The following KDM4B variants were observed in gnomAD, a reference collection of about 807,000 sequenced individuals.
The protein encoded by KDM4B is lysine demethylase 4B, also known as lysine-specific demethylase 4B.
In KDM4B, 32 loss-of-function variants were observed where a neutral mutation model predicts 125.2. That is an observed-to-expected ratio of 0.26 (90% CI 0.19 to 0.34). The LOEUF (loss-of-function observed/expected upper bound fraction) is 0.34. Among genes scored for constraint, KDM4B ranks in the 10% least tolerant of loss-of-function variants. The pLI, the probability that KDM4B is intolerant of heterozygous loss-of-function variation, is 1.00. For synonymous variants in KDM4B, 721 were observed against 677.9 expected (o/e 1.06, Z -0.99); for missense variants, 1,190 against 1,577.7 (o/e 0.75, Z 4.16).
At position 5,142,024 on chromosome 19, in the gene KDM4B, T is replaced by G. The variant is rs2039752898; in HGVS notation, c.2551-1943T>G. Among the ~76,000 whole-genome samples the G allele has an allele frequency of 1.3e-5, 2 of 152,182 alleles. No homozygotes were observed. The highest frequency in any genetic ancestry group is 4.1e-4 in the South Asian group (2 of 4,832). On this transcript the variant is annotated intron_variant, in intron 18 of 22. Transcript: ENST00000159111. The surrounding 1 kb of genome is among the most constrained non-coding windows in gnomAD (Gnocchi z 5.4). ...CGAAAGCAGGTTGGTGGACAGCCAC[T>G]GCGCCTCAGTGTGTGACAGGCTGAG...
intron 6 of KDM4B, among the ~76,000 whole-genome samples, chr19:5,066,712 C>G (rs535079680): frequency 6.6e-5 from 10 of 152,360 alleles, no homozygotes; most frequent in Admixed American, 3.3e-4. Context: ...GCGGCCAGCA[C>G]CAGACACCAA....
intron 1 of KDM4B, among the ~76,000 whole-genome samples, chr19:4,994,848 T>C (rs2035149503): frequency 1.3e-5 from 2 of 152,236 alleles, no homozygotes; most frequent in Non-Finnish European, 2.9e-5. Flanking sequence ...TTGTTAGCAC[T>C]ATATTTTTGG....
At chr19:5,137,364 G>A in intron 16 of KDM4B, 26 bp downstream of exon 16, 3 of 1,546,150 alleles carry the variant, frequency 1.9e-6, no homozygotes, top group Non-Finnish European at 2.6e-6. Flanking sequence ...CAGCGGGGGT[G>A]GTGCTCTGAG....
At chr19:5,109,182 G>C (rs2039091149) in intron 9 of KDM4B, among the ~76,000 whole-genome samples, 1 of 152,250 alleles carries the variant, frequency 6.6e-6, no homozygotes, top group South Asian at 2.1e-4. Context: ...CAGTTGGCCA[G>C]CCCTGCCCTT....
intron 7 of KDM4B, among the ~76,000 whole-genome samples, chr19:5,072,695 A>C (rs944416534): frequency 6.6e-6 from 1 of 152,270 alleles, no homozygotes; most frequent in Non-Finnish European, 1.5e-5. Context: ...CTCCTGTAAC[A>C]AATGACCACA....
At chr19:4,994,020 G>GTTTTTTTTTTTTTTTTTTTTTTGTTT (rs2035116127) in intron 1 of KDM4B, among the ~76,000 whole-genome samples, 2 of 66,710 alleles carry the variant, frequency 3.0e-5, no homozygotes, top group Non-Finnish European at 5.4e-5. Flanking sequence ...TTTTCAGCCT[G>GTTTTTTTTTTTTTTTTTTTTTTGTTT]TTTTTTTTTT....
intron 1 of KDM4B, among the ~76,000 whole-genome samples, chr19:4,993,421 A>AG (rs2035091645): frequency 1.3e-5 from 2 of 151,680 alleles, no homozygotes; most frequent in Admixed American, 1.3e-4. Flanking sequence ...GGGAAAAAAA[A>AG]AAAAGAAAGT....
At chr19:5,028,389 T>C (rs768181040) in intron 2 of KDM4B, among the ~76,000 whole-genome samples, 3 of 152,224 alleles carry the variant, frequency 2.0e-5, no homozygotes, top group Non-Finnish European at 2.9e-5. Context: ...GGTTCCTCCA[T>C]GTGGCGCCTG....
intron 11 of KDM4B, among the ~76,000 whole-genome samples, chr19:5,129,104 G>A (rs1397628709): frequency 3.3e-5 from 5 of 152,228 alleles, no homozygotes; most frequent in Non-Finnish European, 5.9e-5. Context: ...TTGAGAAACA[G>A]GTGGGCGTGT....
Position 5,135,403 on chromosome 19 carries a change from C to T in KDM4B, c.2150C>T (p.Pro717Leu), listed in dbSNP as rs1281546120. The change falls in exon 15 of 23, where the codon CCC becomes CTC. Residue 717 changes from proline to leucine, a missense_variant. Physicochemically the swap from Pro to Leu is moderately conservative, Grantham distance 98. Transcript: ENST00000159111. ...SLGEGCPATL[P>L]SKSRQKTRPL... ...GGAGAGGGCTGCCCGGCCACATTAC[C>T]CTCCAAAAGCCGTCAGAAGACCCGA... 9 of 1,613,572 alleles carry T rather than the reference C, an allele frequency of 5.6e-6. No homozygotes were observed. Among genetic ancestry groups the T allele is most frequent in the African/African-American group, 1.3e-5 (1 of 74,950 alleles).
chr19:5,038,523 C>G (rs1406648768), intron 3 of KDM4B, among the ~76,000 whole-genome samples: 2 of 152,254 alleles, frequency 1.3e-5, no homozygotes, highest in Non-Finnish European at 2.9e-5. Context: ...CGGGTTCCGG[C>G]TGCAGTGCCG....
At chr19:5,131,725 C>G (rs1345641751) in intron 12 of KDM4B, among the ~76,000 whole-genome samples, 162 bp from the exon 13 acceptor site, 1 of 85,794 alleles carries the variant, frequency 1.2e-5, no homozygotes, top group Non-Finnish European at 2.5e-5. Context: ...GGTGGGGTGT[C>G]TGTACTTAGA....
chr19:5,145,788 CCTCA>C (rs2039830492), intron 21 of KDM4B, among the ~76,000 whole-genome samples: 1 of 152,134 alleles, frequency 6.6e-6, no homozygotes, highest in African/African-American at 2.4e-5. Context: ...GGAAACGAAG[CCTCA>C]CTCAGAGTCA....
chr19:5,064,152 T>TC (rs941120659), intron 6 of KDM4B, among the ~76,000 whole-genome samples: 4 of 152,130 alleles, frequency 2.6e-5, no homozygotes, highest in Non-Finnish European at 5.9e-5. Flanking sequence ...CAACTTGGGG[T>TC]CCCGGGGGCG....
At chr19:5,120,747 A>G (rs986793789) in intron 11 of KDM4B, among the ~76,000 whole-genome samples, 13 of 152,086 alleles carry the variant, frequency 8.5e-5, no homozygotes, top group African/African-American at 3.1e-4. Flanking sequence ...GTTCCCAGCT[A>G]GGGCTCCCCG....
chr19:5,019,502 ATGT>A (rs2036014131), intron 2 of KDM4B, among the ~76,000 whole-genome samples: 1 of 92,518 alleles, frequency 1.1e-5, no homozygotes, highest in South Asian at 3.9e-4. Context: ...GTTGGTGTGG[ATGT>A]TGGTGTGGGT....
chr19:5,088,292 C>T (rs1292812520), intron 9 of KDM4B, among the ~76,000 whole-genome samples: 1 of 152,206 alleles, frequency 6.6e-6, no homozygotes, highest in Non-Finnish European at 1.5e-5. Context: ...TCACATCCAG[C>T]TCTTAGCGGC....
At chr19:5,059,034 C>T (rs779514183) in intron 6 of KDM4B, among the ~76,000 whole-genome samples, 15 of 152,228 alleles carry the variant, frequency 9.9e-5, no homozygotes, top group Admixed American at 9.8e-4. Context: ...TGCGTGCCCG[C>T]GGGTCCCTCC....
intron 6 of KDM4B, among the ~76,000 whole-genome samples, chr19:5,050,039 T>C (rs576327319): frequency 2.0e-5 from 3 of 151,856 alleles, no homozygotes; most frequent in Non-Finnish European, 4.4e-5. Flanking sequence ...TAGGTAGGGC[T>C]CCCAGCCAAG....
Sources: allele counts gnomAD v4.1 joint callset (sites outside exome capture counted in the v4.1 genomes callset), GRCh38; gene constraint gnomAD v4.1.1; non-coding constraint Gnocchi (gnomAD v3.1); transcripts MANE v1.5; gene names NCBI Gene and HGNC (gene_info 2026-07-23, HGNC 2026-07-21).